ATG10: variants seen among roughly 807,000 people sequenced by gnomAD.
ATG10 encodes autophagy related 10, also known as ubiquitin-like-conjugating enzyme ATG10.
ATG10 carries 30 observed loss-of-function variants against 32.1 expected under a neutral mutation model. The observed-to-expected ratio is 0.94, with a 90% CI of 0.70 to 1.27. The LOEUF (loss-of-function observed/expected upper bound fraction) is 1.27, where lower values mean the gene tolerates loss of function less well. Ranked by LOEUF, ATG10 falls within the 50% of genes most tolerant of loss-of-function variation. The pLI, the probability that ATG10 is intolerant of heterozygous loss-of-function variation, is 0.00. For missense variants in ATG10, 233 were observed against 262.3 expected (o/e 0.89, Z 0.77); for synonymous variants, 87 against 91.5 (o/e 0.95, Z 0.28).
At chr5:82,038,191 G>A (rs1762989317) in intron 2 of ATG10, among the ~76,000 whole-genome samples, 3 of 152,230 alleles carry the variant, frequency 2.0e-5, no homozygotes. Context: ...AGCAGAGGAG[G>A]AAGAGTCACT....
chr5:82,226,441 C>T (rs796642590), intron 5 of ATG10, among the ~76,000 whole-genome samples: 8 of 152,178 alleles, frequency 5.3e-5, no homozygotes, highest in African/African-American at 1.9e-4. Flanking sequence ...TTACTCAGTT[C>T]AGTCTTCCCT....
At position 82,252,621 on chromosome 5, in the gene ATG10, C is replaced by A; in HGVS notation, c.513C>A (p.Phe171Leu). ...FVLHPCKTNE[F>L]MTPVLKNSQK... is the part of the protein sequence containing the mutation. ...TTCATCCCTGCAAGACGAATGAATT[C>A]ATGACTCCTGTATTAAAGAATTCTC... Residue 171 changes from phenylalanine to leucine, a missense_variant, in exon 6 of 8, where the codon TTC becomes TTA. Transcript: ENST00000282185. 1 of 1,606,686 alleles carries A rather than the reference C, an allele frequency of 6.2e-7. No individual in the cohort carries two copies. Among genetic ancestry groups the A allele is most frequent in the South Asian group, 1.1e-5 (1 of 89,394 alleles).
intron 3 of ATG10, among the ~76,000 whole-genome samples, chr5:82,139,944 G>T (rs1382699968): frequency 1.5e-5 from 2 of 134,042 alleles, no homozygotes; most frequent in African/African-American, 2.8e-5. Context: ...GAGGTGGGGG[G>T]GTCAGCCCTC....
intron 2 of ATG10, among the ~76,000 whole-genome samples, chr5:82,036,317 GGCACAGTGGCGCAT>G (rs1762921593): frequency 6.6e-6 from 1 of 152,138 alleles, no homozygotes; most frequent in Non-Finnish European, 1.5e-5. Flanking sequence ...GAATGAGTCA[GGCACAGTGGCGCAT>G]GCATGTAATC....
chr5:82,200,122 G>GT (rs753191389), intron 5 of ATG10, among the ~76,000 whole-genome samples: 51 of 152,120 alleles, frequency 3.4e-4, no homozygotes, highest in Non-Finnish European at 6.3e-4. Flanking sequence ...TTTGGTTGAC[G>GT]TAAGTTTTCA....
chr5:82,220,165 G>T (rs1375841938), intron 5 of ATG10, among the ~76,000 whole-genome samples: 1 of 152,210 alleles, frequency 6.6e-6, no homozygotes, highest in East Asian at 1.9e-4. Flanking sequence ...TGCGTGCAGG[G>T]TCACAAAGAC....
intron 3 of ATG10, among the ~76,000 whole-genome samples, chr5:82,133,805 T>A (rs553236510): frequency 6.6e-6 from 1 of 152,144 alleles, no homozygotes; most frequent in Non-Finnish European, 1.5e-5. Flanking sequence ...ATCTATAAAT[T>A]TGGGCAGTAT....
chr5:82,074,969 T>C lies in ATG10; in HGVS notation c.216+16367T>C, dbSNP rs569458238. On this transcript the variant is annotated intron_variant, in intron 3 of 7. Transcript: ENST00000282185. ...AATATTGATAGAGAAGGGAGGTTAATTGGCCTTAGTTACTTGGTTGCTAAG... is the reference window on the plus strand; with the variant it reads ...AATATTGATAGAGAAGGGAGGTTAACTGGCCTTAGTTACTTGGTTGCTAAG... Among the ~76,000 whole-genome samples, 4 of 152,306 alleles carry C rather than the reference T, an allele frequency of 2.6e-5. No individual in the cohort carries two copies. In the South Asian group the frequency reaches 8.3e-4, roughly 32 times the overall value.
intron 2 of ATG10, among the ~76,000 whole-genome samples, chr5:82,021,111 A>T (rs1347969446): frequency 6.6e-6 from 1 of 152,166 alleles, no homozygotes; most frequent in East Asian, 1.9e-4. Flanking sequence ...TTTAAAATTC[A>T]GGGGTCATGC....
At chr5:81,992,689 C>T in intron 2 of ATG10, among the ~76,000 whole-genome samples, 1 of 152,184 alleles carries the variant, frequency 6.6e-6, no homozygotes, top group Non-Finnish European at 1.5e-5. Flanking sequence ...CAGGTGTGAG[C>T]CACCGAGCCT....
At chr5:81,982,822 T>G (rs1297137905) in intron 1 of ATG10, among the ~76,000 whole-genome samples, 1 of 152,216 alleles carries the variant, frequency 6.6e-6, no homozygotes, top group African/African-American at 2.4e-5. Flanking sequence ...TGCACCGCCC[T>G]TAATCCATTT....
intron 2 of ATG10, among the ~76,000 whole-genome samples, chr5:81,995,334 G>C (rs1761629271): frequency 6.6e-6 from 1 of 152,020 alleles, no homozygotes; most frequent in Non-Finnish European, 1.5e-5. Context: ...GTAGAGAGGG[G>C]GTGTCGCCAT....
chr5:82,001,850 A>G (rs1458755316), intron 2 of ATG10, among the ~76,000 whole-genome samples: 4 of 152,190 alleles, frequency 2.6e-5, no homozygotes, highest in Admixed American at 6.5e-5. Flanking sequence ...TAAACAGACA[A>G]TCTACAGAAT....
chr5:82,004,756 G>T (rs972457999), intron 2 of ATG10, among the ~76,000 whole-genome samples: 7 of 152,182 alleles, frequency 4.6e-5, no homozygotes, highest in African/African-American at 1.7e-4. Flanking sequence ...TCATGCACTT[G>T]GATGTCTTGA....
At chr5:82,247,278 G>A (rs1747076518) in intron 5 of ATG10, among the ~76,000 whole-genome samples, 1 of 151,890 alleles carries the variant, frequency 6.6e-6, no homozygotes, top group South Asian at 2.1e-4. Context: ...TCTGTATTCT[G>A]GTACAGTTGA....
chr5:82,050,839 CAAAAAAAA>C (rs71000881), intron 2 of ATG10, among the ~76,000 whole-genome samples: 10 of 36,294 alleles, frequency 2.8e-4, no homozygotes, highest in East Asian at 1.1e-3. Flanking sequence ...CCATCTCTAC[CAAAAAAAA>C]AAAAAAAAAA....
At chr5:82,244,447 AGT>A (rs1447280333) in intron 5 of ATG10, among the ~76,000 whole-genome samples, 2 of 152,140 alleles carry the variant, frequency 1.3e-5, no homozygotes, top group African/African-American at 4.8e-5. Flanking sequence ...TGTCTCAAAG[AGT>A]TACTGTGGTA....
chr5:82,037,071 C>T (rs1303260896), intron 2 of ATG10, among the ~76,000 whole-genome samples: 1 of 127,088 alleles, frequency 7.9e-6, no homozygotes, highest in East Asian at 2.3e-4. Flanking sequence ...TCGGAGGTTC[C>T]AGTGAGCCGA....
intron 5 of ATG10, among the ~76,000 whole-genome samples, chr5:82,207,077 T>A (rs1745327601): frequency 6.6e-6 from 1 of 152,200 alleles, no homozygotes; most frequent in Admixed American, 6.5e-5. Flanking sequence ...TTAATGGCCA[T>A]GTGGTTCCCC....
Sources: gnomAD v4.1 joint callset for allele counts (sites outside exome capture counted in the v4.1 genomes callset) on GRCh38, gnomAD v4.1.1 for gene constraint, MANE v1.5 for transcripts, NCBI Gene and HGNC (gene_info 2026-07-23, HGNC 2026-07-21) for gene names.